DAP: variants seen among roughly 807,000 people sequenced by gnomAD.
DAP encodes the protein death associated protein.
In DAP, 8 loss-of-function variants were observed where a neutral mutation model predicts 13.8. The observed-to-expected ratio is 0.58, with a 90% CI of 0.34 to 1.05. DAP has a LOEUF of 1.05. DAP is among the 50% of genes least tolerant of loss of function. The probability of loss-of-function intolerance (pLI) is 0.03; values close to 1 mark genes in which losing one functional copy is unlikely to be tolerated. For synonymous variants in DAP, 47 were observed against 47.5 expected (o/e 0.99, Z 0.04); for missense variants, 106 against 133.2 (o/e 0.80, Z 1.01).
chr5:10,761,166 C>A lies in DAP; in HGVS notation c.-98G>T, dbSNP rs1740347891. 1 of 681,322 alleles carries A rather than the reference C, an allele frequency of 1.5e-6. No individual in the cohort carries two copies. The highest frequency in any genetic ancestry group is 5.2e-5 in the Admixed American group (1 of 19,114). 42.2% of individuals were successfully genotyped at this position (681,322 alleles called of 1,614,324 possible). On this transcript the variant is annotated 5_prime_UTR_variant, in exon 1 of 4. Transcript: ENST00000230895. The stretch of plus-strand genomic sequence containing the variant: ...TCAGGTGTGAGCGCCGGGGAGCGAG[C>A]GGGCGGGAGAACGACGCGCGCGCGT...
intron 2 of DAP, among the ~76,000 whole-genome samples, chr5:10,706,983 C>T (rs531895165): frequency 7.2e-5 from 11 of 152,194 alleles, no homozygotes; most frequent in African/African-American, 2.6e-4. Context: ...TCTGAATTCC[C>T]ACAACTATAA....
At chr5:10,743,109 G>A (rs1739802783) in intron 2 of DAP, among the ~76,000 whole-genome samples, 1 of 152,158 alleles carries the variant, frequency 6.6e-6, no homozygotes, top group African/African-American at 2.4e-5. Flanking sequence ...TTCACATAAG[G>A]CAATTTCAGA....
chr5:10,726,636 C>A (rs754337154), intron 2 of DAP, among the ~76,000 whole-genome samples: 1 of 152,264 alleles, frequency 6.6e-6, no homozygotes, highest in South Asian at 2.1e-4. Context: ...TGAGGGACAA[C>A]AGGCGAGTCA....
At chr5:10,760,939 G>T in intron 1 of DAP, 75 bp downstream of exon 1, 1 of 987,962 alleles carries the variant, frequency 1.0e-6, no homozygotes, top group Non-Finnish European at 1.3e-6. Flanking sequence ...TCCCCGCGGA[G>T]CCCCCGCCCG....
At chr5:10,720,437 G>C (rs962717829) in intron 2 of DAP, among the ~76,000 whole-genome samples, 1 of 152,200 alleles carries the variant, frequency 6.6e-6, no homozygotes, top group African/African-American at 2.4e-5. Context: ...CAAAAACTGT[G>C]AAGATATTTG....
Position 10,761,041 on chromosome 5 carries a change from C to G in DAP, c.28G>C (p.Glu10Gln). The change falls in exon 1 of 4, where the codon GAG becomes CAG. Residue 10 changes from glutamate (E) to glutamine (Q), a missense_variant. Coordinates refer to ENST00000230895, the MANE Select transcript of DAP (RefSeq NM_004394.3). ...GCGGGCGGGTGTCCAGCTTTAGTCT[C>G]TAGTTTCCCTTCGGGAGGCGAAGAC... The part of the protein sequence containing the change: MSSPPEGKL[E>Q]TKAGHPPAVK... The G allele has an allele frequency of 2.5e-6, 3 of 1,215,342 alleles. No individual in the cohort carries two copies. Among genetic ancestry groups the G allele is most frequent in the Non-Finnish European group, 3.1e-6 (3 of 965,610 alleles). 75.3% of individuals were successfully genotyped at this position (1,215,342 alleles called of 1,614,324 possible).
In DAP at chr5:10,696,084, T is replaced by G. The variant is rs968500009; in HGVS notation, c.153-12513A>C. Among the ~76,000 whole-genome samples the G allele has an allele frequency of 2.0e-5, 3 of 152,290 alleles. No homozygotes were observed. The East Asian group carries it at 5.8e-4, about 29-fold the overall frequency. On this transcript the variant is annotated intron_variant, in intron 2 of 3. Coordinates refer to ENST00000230895, the MANE Select transcript of DAP (RefSeq NM_004394.3). ...AGCACTCTTCCCATTCCAGACCACT[T>G]CAGTTTCTGGCGTGTGGATCTTCCC...
intron 2 of DAP, among the ~76,000 whole-genome samples, chr5:10,721,522 A>G (rs1190162312): frequency 1.3e-5 from 2 of 152,186 alleles, no homozygotes; most frequent in Non-Finnish European, 2.9e-5. Flanking sequence ...CAACTCCACA[A>G]CAGAGATAAG....
chr5:10,700,561 G>A lies in DAP; in HGVS notation c.153-16990C>T, dbSNP rs570372649. Reference sequence around the variant, plus strand: ...GGGGAGTTCTCACTGGCACTGTTGCGCCCCAGGGGCAGCGTGGATGTGTGG... The same window carrying A: ...GGGGAGTTCTCACTGGCACTGTTGCACCCCAGGGGCAGCGTGGATGTGTGG... On this transcript the variant is annotated intron_variant, in intron 2 of 3. Transcript: ENST00000230895. Among the ~76,000 whole-genome samples the A allele has an allele frequency of 3.9e-4, 59 of 152,292 alleles. 1 individual carries two copies. The highest frequency in any genetic ancestry group is 1.5e-3 in the South Asian group (7 of 4,826).
intron 2 of DAP, among the ~76,000 whole-genome samples, chr5:10,721,874 T>C (rs1435238740): frequency 1.3e-5 from 2 of 152,204 alleles, no homozygotes; most frequent in African/African-American, 2.4e-5. Flanking sequence ...TAAGAAAATA[T>C]CTTTATTGTA....
chr5:10,721,655 C>T (rs528335283), intron 2 of DAP, among the ~76,000 whole-genome samples: 1 of 152,192 alleles, frequency 6.6e-6, no homozygotes, highest in Admixed American at 6.5e-5. Flanking sequence ...ATGGCTCAGA[C>T]CCCTCAAGAA....
intron 2 of DAP, among the ~76,000 whole-genome samples, chr5:10,744,775 G>A (rs1049247737): frequency 6.6e-6 from 1 of 152,234 alleles, no homozygotes; most frequent in African/African-American, 2.4e-5. Flanking sequence ...TAAATTCAAC[G>A]TGAAGCACTT....
intron 2 of DAP, among the ~76,000 whole-genome samples, chr5:10,687,905 CT>C (rs1199947263): frequency 0.027 from 2,987 of 110,600 alleles, 55 homozygotes; most frequent in African/African-American, 0.079. Context: ...TCATTGTTGT[CT>C]TTTTTTTTTT....
intron 2 of DAP, among the ~76,000 whole-genome samples, chr5:10,697,193 A>G (rs576745531): frequency 9.8e-4 from 149 of 152,322 alleles, no homozygotes; most frequent in Non-Finnish European, 1.8e-3. Flanking sequence ...GGCATTGGAC[A>G]TAGTCCTTTG....
chr5:10,700,971 C>T (rs920401491), intron 2 of DAP, among the ~76,000 whole-genome samples: 2 of 152,232 alleles, frequency 1.3e-5, no homozygotes, highest in Non-Finnish European at 2.9e-5. Context: ...GGCCCCTGCT[C>T]TGAATAGACG....
At chr5:10,696,714 CTT>C (rs1738447792) in intron 2 of DAP, among the ~76,000 whole-genome samples, 1 of 152,166 alleles carries the variant, frequency 6.6e-6, no homozygotes, top group Non-Finnish European at 1.5e-5. Context: ...ATAACACTTC[CTT>C]TCTCTCTCTC....
rs189051143 is a variant in DAP at position 10,682,500 on chromosome 5, T to C, written c.195+1029A>G. 2.0e-3 allele frequency among the ~76,000 whole-genome samples: 300 copies of C among 146,380 alleles called. 1 individual carries two copies. The highest frequency in any genetic ancestry group is 7.3e-3 in the African/African-American group (285 of 39,068). On this transcript the variant is annotated intron_variant, in intron 3 of 3. Transcript: ENST00000230895. Reference sequence around the variant, plus strand: ...CCCACCAGCTTCCCTGCAGGAAGCATGGGGTTTGTGGGTGAGGAAGCTCCA... The same window carrying C: ...CCCACCAGCTTCCCTGCAGGAAGCACGGGGTTTGTGGGTGAGGAAGCTCCA...
chr5:10,746,952 T>C (rs557213368), intron 2 of DAP, among the ~76,000 whole-genome samples: 2 of 152,152 alleles, frequency 1.3e-5, no homozygotes, highest in African/African-American at 2.4e-5. Flanking sequence ...GAGAACTGGG[T>C]TGAACTTCCT....
chr5:10,747,598 A>G (rs1739938310), intron 2 of DAP, among the ~76,000 whole-genome samples: 1 of 152,232 alleles, frequency 6.6e-6, no homozygotes, highest in South Asian at 2.1e-4. Context: ...AAGGGTCTCC[A>G]TGTGATTTCA....
Sources: gnomAD v4.1 joint callset for allele counts (sites outside exome capture counted in the v4.1 genomes callset) on GRCh38, gnomAD v4.1.1 for gene constraint, MANE v1.5 for transcripts, NCBI Gene and HGNC (gene_info 2026-07-23, HGNC 2026-07-21) for gene names.